Variants in BCL11B observed in about 807,000 individuals in gnomAD.
BCL11B encodes B-cell lymphoma/leukemia 11B.
Under a neutral mutation model 49.9 loss-of-function variants are expected in BCL11B, and 8 were observed. The observed-to-expected ratio is 0.16, with a 90% CI of 0.09 to 0.29. The LOEUF (loss-of-function observed/expected upper bound fraction) is 0.29, where lower values mean the gene tolerates loss of function less well. BCL11B is among the 10% of genes least tolerant of loss of function. BCL11B has a pLI of 1.00. For synonymous variants in BCL11B, 739 were observed against 637.4 expected (o/e 1.16, Z -2.40); for missense variants, 1,006 against 1,351.0 (o/e 0.74, Z 4.00).
intron 1 of BCL11B, among the ~76,000 whole-genome samples, chr14:99,260,458 A>G (rs1264969019): frequency 6.6e-6 from 1 of 152,136 alleles, no homozygotes; most frequent in Non-Finnish European, 1.5e-5. Context: ...GAGTTCTAGC[A>G]AGCCTAAATA....
At chr14:99,179,476 A>AG (rs1442725442) in intron 3 of BCL11B, among the ~76,000 whole-genome samples, 2 of 129,028 alleles carry the variant, frequency 1.6e-5, no homozygotes, top group African/African-American at 7.3e-5. Flanking sequence ...TCCATCTTAA[A>AG]AAAAAAAAAA....
At position 99,213,931 on chromosome 14, in the gene BCL11B, C is replaced by T. The variant is rs1043614560; in HGVS notation, c.640+17414G>A. 7.9e-5 allele frequency among the ~76,000 whole-genome samples: 12 copies of T among 152,282 alleles called. No homozygotes were observed. In the South Asian group the frequency reaches 1.0e-3, roughly 13 times the overall value. ...ACATCCCAGCCCTCCGGTGCTCCTC[C>T]GAGAGGCTTGGCCCCAGGACACTGA... On this transcript the variant is annotated intron_variant, in intron 3 of 3. Coordinates refer to ENST00000357195, the MANE Select transcript of BCL11B (RefSeq NM_138576.4). This position sits in a 1 kb window ranked among gnomAD's most constrained non-coding sequence, Gnocchi z 5.1.
At position 99,173,184 on chromosome 14, in the gene BCL11B, CA is replaced by C. The variant is rs1355421246; in HGVS notation, c.*966del. The C allele has an allele frequency of 1.3e-5, 3 of 230,038 alleles. No homozygotes were observed. Among genetic ancestry groups the C allele is most frequent in the African/African-American group, 4.4e-5 (2 of 45,222 alleles). 14.2% of individuals were successfully genotyped at this position (230,038 alleles called of 1,614,324 possible). Reference sequence around the variant, plus strand: ...GTCACTGCAGGCCACCCCATCTCCCCAAAAAGGTACCCTCAGCCCATTTTAT... The same window carrying C: ...GTCACTGCAGGCCACCCCATCTCCCCAAAAGGTACCCTCAGCCCATTTTAT... On this transcript the variant is annotated 3_prime_UTR_variant, in exon 4 of 4. Transcript: ENST00000357195.
intron 3 of BCL11B, among the ~76,000 whole-genome samples, chr14:99,212,843 C>G (rs550661505): frequency 3.9e-5 from 6 of 152,338 alleles, no homozygotes; most frequent in Admixed American, 2.0e-4. Flanking sequence ...CCAACCTCCC[C>G]CACCTGCTTG....
chr14:99,264,906 C>T lies in BCL11B; in HGVS notation c.58+6255G>A, dbSNP rs939390534. On this transcript the variant is annotated intron_variant, in intron 1 of 3. Coordinates refer to ENST00000357195, the MANE Select transcript of BCL11B (RefSeq NM_138576.4). ...TTGCTCAAGGGAGGCAGTCAGCACA[C>T]GGCGTTTCTTGGGGAGGGATGGAGC... Among the ~76,000 whole-genome samples the T allele has an allele frequency of 3.3e-5, 5 of 152,278 alleles. No homozygotes were observed. The South Asian group carries it at 6.2e-4, about 19-fold the overall frequency.
chr14:99,261,984 C>T (rs1049915766), intron 1 of BCL11B, among the ~76,000 whole-genome samples: 1 of 152,200 alleles, frequency 6.6e-6, no homozygotes, highest in Non-Finnish European at 1.5e-5. Flanking sequence ...CATTTAGAAG[C>T]AATCACAAAT....
Position 99,271,515 on chromosome 14 carries a change from CAA to C in BCL11B, c.-299_-298del, listed in dbSNP as rs142600683. ...CTCGATCTAAAATAAGAAAAAGAGG[CAA>C]AAAAAAAAAAAACTGCTGTTGCTTT... On this transcript the variant is annotated 5_prime_UTR_variant, in exon 1 of 4. Coordinates refer to ENST00000357195, the MANE Select transcript of BCL11B (RefSeq NM_138576.4). 3.0e-4 allele frequency: 53 copies of C among 173,866 alleles called. No homozygotes were observed. The highest frequency in any genetic ancestry group is 6.9e-4 in the East Asian group (8 of 11,554). The allele number at this position is 173,866 out of a possible 1,614,324, so 10.8% of individuals were successfully genotyped here.
rs1416864587 is a variant in BCL11B at position 99,171,105 on chromosome 14, ACT to A, written c.*3044_*3045del. 8 of 228,984 alleles carry A rather than the reference ACT, an allele frequency of 3.5e-5. No individual in the cohort carries two copies. In the Admixed American group the frequency reaches 4.5e-4, roughly 13 times the overall value. 14.2% of individuals were successfully genotyped at this position (228,984 alleles called of 1,614,324 possible). On this transcript the variant is annotated 3_prime_UTR_variant, in exon 4 of 4. Coordinates refer to ENST00000357195, the MANE Select transcript of BCL11B (RefSeq NM_138576.4). ...TCTTTACAAAAACTGATTTTTTTCCACTCAACACAAATAATTTCCCATCTGGT... is the reference window on the plus strand; with the variant it reads ...TCTTTACAAAAACTGATTTTTTTCCACAACACAAATAATTTCCCATCTGGT...
intron 2 of BCL11B, among the ~76,000 whole-genome samples, chr14:99,239,476 C>T (rs1437327151): frequency 6.6e-6 from 1 of 152,194 alleles, no homozygotes; most frequent in Non-Finnish European, 1.5e-5. Flanking sequence ...ACTCCAATGA[C>T]AAGCTTGGCC....
chr14:99,191,532 TAAAG>T (rs1887030324), intron 3 of BCL11B, among the ~76,000 whole-genome samples: 1 of 152,042 alleles, frequency 6.6e-6, no homozygotes, highest in African/African-American at 2.4e-5. Flanking sequence ...TCTCTGGCAA[TAAAG>T]AAACTGTGGA....
chr14:99,245,612 CG>C (rs941738289), intron 2 of BCL11B, among the ~76,000 whole-genome samples: 4 of 152,210 alleles, frequency 2.6e-5, no homozygotes, highest in African/African-American at 4.8e-5. Flanking sequence ...TGGCGGCGGG[CG>C]GAAGAGGGAT....
At position 99,175,062 on chromosome 14, in the gene BCL11B, C is replaced by T; in HGVS notation, c.1774G>A (p.Ala592Thr). 8 of 1,600,052 alleles carry T rather than the reference C, an allele frequency of 5.0e-6. No individual in the cohort carries two copies. Among genetic ancestry groups the T allele is most frequent in the Non-Finnish European group, 6.8e-6 (8 of 1,177,432 alleles). Residue 592 changes from alanine to threonine, a missense_variant, in exon 4 of 4, where the codon GCG (alanine) becomes ACG (threonine). This residue lies in a region of BCL11B where 443 missense variants were observed against 499.7 expected (regional missense o/e 0.89). Coordinates refer to ENST00000357195, the MANE Select transcript of BCL11B (RefSeq NM_138576.4). ...GAAKALADEK[A>T]LVLGKVMENV... ...TCCATGACCTTGCCCAGCACCAGCG[C>T]CTTCTCGTCAGCCAGCGCCTTGGCC...
chr14:99,179,160 C>A (rs1225265329), intron 3 of BCL11B, among the ~76,000 whole-genome samples: 1 of 152,186 alleles, frequency 6.6e-6, no homozygotes, highest in Non-Finnish European at 1.5e-5. Flanking sequence ...TCAAGTGTTT[C>A]CACTTCTTGT....
intron 3 of BCL11B, among the ~76,000 whole-genome samples, chr14:99,214,128 G>T (rs1887764065): frequency 6.6e-6 from 1 of 152,130 alleles, no homozygotes; most frequent in South Asian, 2.1e-4. Context: ...CTGGCACAGT[G>T]AGTGTCCCCC....
Position 99,175,281 on chromosome 14 carries a change from G to A in BCL11B, c.1555C>T (p.His519Tyr), listed in dbSNP as rs1886463202. The A allele has an allele frequency of 6.5e-7, 1 of 1,541,360 alleles. No individual in the cohort carries two copies. Among genetic ancestry groups the A allele is most frequent in the Non-Finnish European group, 8.7e-7 (1 of 1,148,318 alleles). Reference sequence around the variant, plus strand: ...CCCAGCGACGGGTCGCTCTCGTGGTGGCGGAAGTCACCGTCGGCCGCCTTG... The same window carrying A: ...CCCAGCGACGGGTCGCTCTCGTGGTAGCGGAAGTCACCGTCGGCCGCCTTG... The part of the protein sequence containing the change: ...GLKAADGDFR[H>Y]HESDPSLGHE... The change falls in exon 4 of 4, where the codon CAC becomes TAC. Residue 519 changes from histidine (H) to tyrosine (Y), a missense_variant. This residue lies in a region of BCL11B where 443 missense variants were observed against 499.7 expected (regional missense o/e 0.89). Transcript: ENST00000357195.
At chr14:99,199,688 G>GTGCA (rs1887307531) in intron 3 of BCL11B, among the ~76,000 whole-genome samples, 2 of 63,850 alleles carry the variant, frequency 3.1e-5, no homozygotes, top group African/African-American at 8.0e-5. Context: ...GTGTGTGCGC[G>GTGCA]CGCGCGCGCA....
intron 3 of BCL11B, among the ~76,000 whole-genome samples, chr14:99,216,850 TAC>T (rs754518471): frequency 5.2e-4 from 79 of 151,906 alleles, no homozygotes; most frequent in Middle Eastern, 3.4e-3. Flanking sequence ...AAAACACTCA[TAC>T]ACACACACAC....
chr14:99,209,606 GC>G (rs1887630875), intron 3 of BCL11B, among the ~76,000 whole-genome samples: 1 of 152,140 alleles, frequency 6.6e-6, no homozygotes, highest in Non-Finnish European at 1.5e-5. Context: ...GGGGAGCCTG[GC>G]CCCCGGCAGG....
chr14:99,263,154 T>A (rs1269492755), intron 1 of BCL11B: 18 of 152,750 alleles, frequency 1.2e-4, no homozygotes, highest in Non-Finnish European at 4.4e-5. Flanking sequence ...CACACCTCTC[T>A]GTCCTGACCC....
Sources: gnomAD v4.1 joint callset for allele counts (sites outside exome capture counted in the v4.1 genomes callset) on GRCh38, gnomAD v4.1.1 for gene constraint, gnomAD v4.1.1 regional missense constraint, Gnocchi (gnomAD v3.1) non-coding constraint, MANE v1.5 for transcripts, NCBI Gene and HGNC (gene_info 2026-07-23, HGNC 2026-07-21) for gene names.